Variants in RASSF6 observed in about 807,000 individuals in gnomAD.
RASSF6 encodes Ras association domain family member 6.
Under a neutral mutation model 44.0 loss-of-function variants are expected in RASSF6, and 52 were observed. That is an observed-to-expected ratio of 1.18 (90% CI 0.95 to 1.49). The LOEUF is 1.49. Among genes scored for constraint, RASSF6 ranks in the 40% most tolerant of loss-of-function variants. RASSF6 has a pLI of 0.00. For synonymous variants in RASSF6, 162 were observed against 124.6 expected, an observed-to-expected ratio of 1.30 and a Z score of -2.00; for missense variants, 464 against 393.3, an observed-to-expected ratio of 1.18 and a Z score of -1.52.
chr4:73,593,863 T>C (rs936653183), intron 3 of RASSF6, among the ~76,000 whole-genome samples: 4 of 152,234 alleles, frequency 2.6e-5, no homozygotes, highest in Non-Finnish European at 5.9e-5. Flanking sequence ...CAAAATGCTT[T>C]CTGAACTCTG....
At chr4:73,578,049 G>T (rs986721487) in intron 8 of RASSF6, among the ~76,000 whole-genome samples, 4 of 5,574 alleles carry the variant, frequency 7.2e-4, no homozygotes, top group Non-Finnish European at 1.8e-3. Flanking sequence ...ATTATTATCT[G>T]CAGTTATGGA....
At position 73,598,701 on chromosome 4, in the gene RASSF6, A is replaced by T. The variant is rs1233199823; in HGVS notation, c.83T>A (p.Leu28Ter). The change falls in exon 3 of 11, where the codon TTA becomes TAA. Residue 28 changes from leucine to a stop codon, truncating the protein, a stop_gained. Coordinates refer to ENST00000307439, the MANE Select transcript of RASSF6 (RefSeq NM_177532.5). LOFTEE classifies it high-confidence loss of function. The stretch of plus-strand genomic sequence containing the variant: ...ATAAAAAATGTTATAGGTCTTCAAT[A>T]AAGAATTAAGTTGTTCCCTAAAAAT... ...TFITREQLNS[L>*]LKTYNIFYEN... 5 of 1,411,816 alleles carry T rather than the reference A, an allele frequency of 3.5e-6. No individual in the cohort carries two copies. The highest frequency in any genetic ancestry group is 2.5e-5 in the South Asian group (2 of 78,756). 87.5% of individuals were successfully genotyped at this position (1,411,816 alleles called of 1,614,324 possible). A position where few individuals can be genotyped will look rare whatever the true frequency, so the allele number is the denominator to read the frequency against.
upstream of RASSF6, chr4:73,620,481 C>A: frequency 6.5e-7 from 1 of 1,546,666 alleles, no homozygotes; most frequent in East Asian, 2.4e-5. Flanking sequence ...AGGGGCGGCG[C>A]CTGTCTCCTC....
Position 73,576,522 on chromosome 4 carries a change from GAAGA to G in RASSF6, c.841-19_841-16del. 11 of 1,541,330 alleles carry G rather than the reference GAAGA, an allele frequency of 7.1e-6. No homozygotes were observed. Among genetic ancestry groups the G allele is most frequent in the Admixed American group, 2.0e-5 (1 of 50,510 alleles). ...TACTGAGCCACCTAAGAAAGAAGAA[GAAGA>G]AAAAAAAAAGAAAGCAGAACAATTA... On this transcript the variant is annotated splice_polypyrimidine_tract_variant and intron_variant, in intron 9 of 10. Transcript: ENST00000307439.
At chr4:73,596,228 T>A (rs549249481) in intron 3 of RASSF6, among the ~76,000 whole-genome samples, 1 of 152,320 alleles carries the variant, frequency 6.6e-6, no homozygotes, top group Admixed American at 6.5e-5. Flanking sequence ...TAATCTTATA[T>A]TGAGAAAACC....
chr4:73,615,904 A>G (rs772798629), intron 1 of RASSF6: 16 of 1,550,326 alleles, frequency 1.0e-5, no homozygotes, highest in Non-Finnish European at 8.7e-6. Context: ...TTGCCTTGTG[A>G]CCAGAATGAG....
At chr4:73,617,424 C>T (rs918042284) in intron 1 of RASSF6, among the ~76,000 whole-genome samples, 9 of 152,194 alleles carry the variant, frequency 5.9e-5, no homozygotes, top group Non-Finnish European at 1.2e-4. Flanking sequence ...GTCTGGGAGG[C>T]GCTGCTCAGT....
At position 73,611,276 on chromosome 4, in the gene RASSF6, C is replaced by T. The variant is rs558343616; in HGVS notation, c.65+455G>A. Among the ~76,000 whole-genome samples the T allele has an allele frequency of 2.8e-4, 43 of 152,214 alleles. No individual in the cohort carries two copies. In the South Asian group the frequency reaches 2.9e-3, roughly 10 times the overall value. The stretch of plus-strand genomic sequence containing the variant: ...AAGCAATATGAGATACTGTTTGCTG[C>T]GTACAAGAAAAGCTGTGGATGTTGG... On this transcript the variant is annotated intron_variant, in intron 2 of 10. Transcript: ENST00000307439.
At chr4:73,600,108 T>A (rs1182978151) in intron 2 of RASSF6, among the ~76,000 whole-genome samples, 1 of 152,172 alleles carries the variant, frequency 6.6e-6, no homozygotes, top group Admixed American at 6.6e-5. Context: ...AAGTTCACCT[T>A]CTCCCAGCAT....
chr4:73,579,735 T>TA (rs76663201), intron 8 of RASSF6, among the ~76,000 whole-genome samples: 9,780 of 152,222 alleles, frequency 0.064, 446 homozygotes, highest in East Asian at 0.2. Context: ...TTGTATCTTT[T>TA]AAATTGTTAC....
chr4:73,612,422 A>G (rs985527329), intron 1 of RASSF6, among the ~76,000 whole-genome samples: 1 of 151,928 alleles, frequency 6.6e-6, no homozygotes, highest in African/African-American at 2.4e-5. Flanking sequence ...CTCCAAGTCT[A>G]TAAGATTTTA....
At chr4:73,618,605 A>G (rs1726518793) in intron 1 of RASSF6, among the ~76,000 whole-genome samples, 1 of 152,160 alleles carries the variant, frequency 6.6e-6, no homozygotes, top group Non-Finnish European at 1.5e-5. Flanking sequence ...GTTTTTAGCT[A>G]AACTGTACTA....
At chr4:73,587,402 T>C (rs1724180890) in intron 5 of RASSF6, among the ~76,000 whole-genome samples, 1 of 152,084 alleles carries the variant, frequency 6.6e-6, no homozygotes, top group African/African-American at 2.4e-5. Flanking sequence ...AGTAATGTTA[T>C]TGACATATCT....
intron 1 of RASSF6, among the ~76,000 whole-genome samples, chr4:73,612,854 C>G (rs1020691464): frequency 6.6e-6 from 1 of 152,136 alleles, no homozygotes; most frequent in Non-Finnish European, 1.5e-5. Context: ...TAACCTGACT[C>G]TCAAGTTTTC....
At chr4:73,578,090 A>C (rs1723359883) in intron 8 of RASSF6, among the ~76,000 whole-genome samples, 1 of 151,684 alleles carries the variant, frequency 6.6e-6, no homozygotes, top group South Asian at 2.1e-4. Flanking sequence ...AAAATATAAA[A>C]GAAAATGGGA....
At chr4:73,590,656 T>C (rs927917317) in intron 4 of RASSF6, among the ~76,000 whole-genome samples, 1 of 152,226 alleles carries the variant, frequency 6.6e-6, no homozygotes, top group African/African-American at 2.4e-5. Flanking sequence ...TGCTGTGCCT[T>C]CCTGCCTGAG....
At chr4:73,586,460 C>T (rs970255975) in intron 5 of RASSF6, among the ~76,000 whole-genome samples, 1 of 151,978 alleles carries the variant, frequency 6.6e-6, no homozygotes, top group African/African-American at 2.4e-5. Context: ...CAATGTGTTA[C>T]TAGCCTAAGA....
chr4:73,576,819 T>G (rs1217513854), intron 8 of RASSF6, 88 bp from the exon 9 acceptor site: 1 of 846,468 alleles, frequency 1.2e-6, no homozygotes, highest in African/African-American at 1.7e-5. Flanking sequence ...TTTTCGTATT[T>G]AACTCACTTT....
intron 8 of RASSF6, among the ~76,000 whole-genome samples, chr4:73,580,510 T>C (rs1723551986): frequency 6.6e-6 from 1 of 151,430 alleles, no homozygotes; most frequent in South Asian, 2.1e-4. Flanking sequence ...GTGTTCCTAT[T>C]TCTCCACATC....
Sources: allele counts gnomAD v4.1 joint callset (sites outside exome capture counted in the v4.1 genomes callset), GRCh38; gene constraint gnomAD v4.1.1; transcripts MANE v1.5; gene names NCBI Gene and HGNC (gene_info 2026-07-23, HGNC 2026-07-21).